Variants in SEMA5A observed in about 807,000 individuals in gnomAD.
The protein encoded by SEMA5A is semaphorin-5A.
Under a neutral mutation model 135.5 loss-of-function variants are expected in SEMA5A, and 55 were observed. That is an observed-to-expected ratio of 0.41 (90% CI 0.33 to 0.51). The LOEUF is 0.51. Ranked by LOEUF, SEMA5A falls within the 20% of genes least tolerant of loss-of-function variation. The probability of loss-of-function intolerance (pLI) is 0.37; values close to 1 mark genes in which losing one functional copy is unlikely to be tolerated. For synonymous variants in SEMA5A, 580 were observed against 546.5 expected, an observed-to-expected ratio of 1.06 and a Z score of -0.85; for missense variants, 1,290 against 1,419.9, an observed-to-expected ratio of 0.91 and a Z score of 1.47.
chr5:9,154,304 G>A (rs974383621), intron 12 of SEMA5A, among the ~76,000 whole-genome samples, 184 bp downstream of exon 12: 1 of 151,570 alleles, frequency 6.6e-6, no homozygotes, highest in Non-Finnish European at 1.5e-5. Context: ...AGAACTGGTG[G>A]GTTATTCTCA....
At chr5:9,154,062 A>AT (rs1553993747) in intron 12 of SEMA5A, among the ~76,000 whole-genome samples, 22 of 68,272 alleles carry the variant, frequency 3.2e-4, no homozygotes, top group African/African-American at 4.2e-4. Flanking sequence ...AAAAAAAAAA[A>AT]ATATATATAT....
chr5:9,341,322 C>A (rs1753643986), intron 3 of SEMA5A, among the ~76,000 whole-genome samples: 1 of 151,998 alleles, frequency 6.6e-6, no homozygotes, highest in African/African-American at 2.4e-5. Flanking sequence ...AATTCATCAT[C>A]ACAATAACAG....
intron 16 of SEMA5A, among the ~76,000 whole-genome samples, chr5:9,086,635 A>G (rs1738710507): frequency 6.6e-6 from 1 of 152,198 alleles, no homozygotes; most frequent in Non-Finnish European, 1.5e-5. Flanking sequence ...CAACAGTGTG[A>G]AAACGGACTA....
chr5:9,254,001 A>G (rs1245243096), intron 5 of SEMA5A, among the ~76,000 whole-genome samples: 3 of 152,220 alleles, frequency 2.0e-5, no homozygotes, highest in Non-Finnish European at 4.4e-5. Flanking sequence ...GTTTAATATC[A>G]ATAGATTCAC....
chr5:9,476,986 C>T (rs1404345393), intron 1 of SEMA5A, among the ~76,000 whole-genome samples: 2 of 151,838 alleles, frequency 1.3e-5, no homozygotes, highest in South Asian at 2.1e-4. Flanking sequence ...AATCTCATCT[C>T]GAAGTTTAAT....
At chr5:9,043,376 C>T (rs1013858519) in intron 22 of SEMA5A, 15 of 195,424 alleles carry the variant, frequency 7.7e-5, no homozygotes, top group Admixed American at 3.9e-4. Flanking sequence ...TAACTAAATT[C>T]GTATTCATAT....
At chr5:9,081,558 C>T (rs1738386969) in intron 16 of SEMA5A, among the ~76,000 whole-genome samples, 3 of 152,050 alleles carry the variant, frequency 2.0e-5, no homozygotes, top group Non-Finnish European at 2.9e-5. Flanking sequence ...AATGCTTTCT[C>T]ATGAAAAAGT....
intron 6 of SEMA5A, among the ~76,000 whole-genome samples, chr5:9,229,731 A>G (rs10038331): frequency 0.025 from 3,750 of 151,372 alleles, 143 homozygotes; most frequent in African/African-American, 0.082. Flanking sequence ...TTTCCTTTAA[A>G]AAAAAAAAAA....
intron 2 of SEMA5A, among the ~76,000 whole-genome samples, chr5:9,428,978 G>C (rs1162215755): frequency 1.3e-5 from 2 of 152,186 alleles, no homozygotes; most frequent in African/African-American, 4.8e-5. Flanking sequence ...GTGTGAAAAG[G>C]AAGGACTATA....
In SEMA5A at chr5:9,120,818, C is replaced by T. The variant is rs927230989; in HGVS notation, c.1782-1677G>A. Among the ~76,000 whole-genome samples the T allele has an allele frequency of 1.4e-4, 20 of 147,950 alleles. No individual in the cohort carries two copies. In the South Asian group the frequency reaches 3.4e-3, roughly 25 times the overall value. On this transcript the variant is annotated intron_variant, in intron 14 of 22. Transcript: ENST00000382496. ...TTTTTGAGACAGAGTCTCGCTCTGT[C>T]GCCAGGCTGGAGTGTAGTGGCTCTA...
chr5:9,411,237 T>A (rs1757096513), intron 2 of SEMA5A, among the ~76,000 whole-genome samples: 1 of 152,186 alleles, frequency 6.6e-6, no homozygotes, highest in Non-Finnish European at 1.5e-5. Flanking sequence ...CTCCAGAGTT[T>A]AGTAAGTCTT....
At chr5:9,401,925 A>C (rs447322) in intron 2 of SEMA5A, among the ~76,000 whole-genome samples, 85,076 of 152,014 alleles carry the variant, frequency 0.56, 24,322 homozygotes, top group African/African-American at 0.66. Context: ...ACAAGTTTGT[A>C]CCAGTCGAAT....
intron 2 of SEMA5A, among the ~76,000 whole-genome samples, chr5:9,400,499 ACAT>A (rs1363477829): frequency 1.1e-5 from 1 of 90,472 alleles, no homozygotes; most frequent in Non-Finnish European, 2.2e-5. Context: ...AACACAATGT[ACAT>A]TTTTTTTTTT....
At chr5:9,070,676 A>T (rs1737725568) in intron 16 of SEMA5A, among the ~76,000 whole-genome samples, 1 of 152,328 alleles carries the variant, frequency 6.6e-6, no homozygotes, top group Middle Eastern at 3.4e-3. Context: ...CGGCTAAGAA[A>T]GATCAGTTTA....
chr5:9,344,003 G>A lies in SEMA5A; in HGVS notation c.125-6191C>T, dbSNP rs150395953. 3.4e-3 allele frequency among the ~76,000 whole-genome samples: 522 copies of A among 152,260 alleles called. 3 individuals are homozygous for A. The highest frequency in any genetic ancestry group is 0.012 in the African/African-American group (503 of 41,554). ...CTTCACACACTTGTCTGGTGCCAGC[G>A]TGTGAATGCAAAACACGTCATAAGG... On this transcript the variant is annotated intron_variant, in intron 3 of 22. Transcript: ENST00000382496.
At position 9,035,087 on chromosome 5, in the gene SEMA5A, C is replaced by G. The variant is rs1041544118; in HGVS notation, c.*7810G>C. The stretch of plus-strand genomic sequence containing the variant: ...CTCACATACAATTGAATGAGACAAA[C>G]TATTTACATAAAACATAAGTACAAA... On this transcript the variant is annotated 3_prime_UTR_variant, in exon 23 of 23. Coordinates refer to ENST00000382496, the MANE Select transcript of SEMA5A (RefSeq NM_003966.3). 6 of 152,670 alleles carry G rather than the reference C, an allele frequency of 3.9e-5. No homozygotes were observed. The East Asian group carries it at 7.7e-4, about 20-fold the overall frequency. The allele number at this position is 152,670 out of a possible 1,614,324, so 9.5% of individuals were successfully genotyped here.
chr5:9,054,209 G>A lies in SEMA5A; in HGVS notation c.2567C>T (p.Thr856Ile). 2 of 1,614,050 alleles carry A rather than the reference G, an allele frequency of 1.2e-6. No homozygotes were observed. Among genetic ancestry groups the A allele is most frequent in the Non-Finnish European group, 1.7e-6 (2 of 1,179,978 alleles). Residue 856 changes from threonine (T) to isoleucine (I), a missense_variant, in exon 19 of 23, where the codon ACA becomes ATA. Thr to Ile is a moderately conservative substitution (Grantham distance 89, BLOSUM62 -1). Around this residue, in one of 3 missense-constraint regions of SEMA5A, gnomAD observed 1,029 missense variants for 1,086.6 expected, o/e 0.95. Transcript: ENST00000382496. ...CCTCATATAGTGTCCACCGCCGCATGTTGCTGAACATTTTGTCCAGGGGGA... is the reference window on the plus strand; with the variant it reads ...CCTCATATAGTGTCCACCGCCGCATATTGCTGAACATTTTGTCCAGGGGGA... Reference protein sequence around the residue: ...CWSPWTKCSATCGGGHYMRTR... With the variant: ...CWSPWTKCSAICGGGHYMRTR...
chr5:9,347,716 G>C (rs1036447685), intron 3 of SEMA5A, among the ~76,000 whole-genome samples: 1 of 152,204 alleles, frequency 6.6e-6, no homozygotes, highest in Non-Finnish European at 1.5e-5. Context: ...GGTGATCAAG[G>C]CTGCTGGGGC....
At chr5:9,386,185 C>G (rs150361722) in intron 2 of SEMA5A, among the ~76,000 whole-genome samples, 1 of 152,138 alleles carries the variant, frequency 6.6e-6, no homozygotes, top group Admixed American at 6.5e-5. Flanking sequence ...ACTGCTCACA[C>G]AGAAACTAGA....
Sources: allele counts gnomAD v4.1 joint callset (sites outside exome capture counted in the v4.1 genomes callset), GRCh38; gene constraint gnomAD v4.1.1; regional missense constraint gnomAD v4.1.1; transcripts MANE v1.5; gene names NCBI Gene and HGNC (gene_info 2026-07-23, HGNC 2026-07-21).